The following SLC26A11 variants were observed in gnomAD, a reference collection of about 807,000 sequenced individuals.
SLC26A11 encodes solute carrier family 26 member 11, also known as sodium-independent sulfate anion transporter.
SLC26A11 carries 58 observed loss-of-function variants against 62.2 expected under a neutral mutation model. The ratio of observed to expected loss-of-function variants is 0.93; its 90% CI spans 0.76 to 1.16. The LOEUF is 1.16. Among genes scored for constraint, SLC26A11 ranks in the 50% most tolerant of loss-of-function variants. SLC26A11 has a pLI of 0.00. For missense variants in SLC26A11, 790 were observed against 794.3 expected, an observed-to-expected ratio of 0.99 and a Z score of 0.06; for synonymous variants, 411 against 368.9, an observed-to-expected ratio of 1.11 and a Z score of -1.31.
intron 11 of SLC26A11, 133 bp downstream of exon 11, chr17:80,245,389 G>A (rs2042968403): frequency 2.5e-6 from 2 of 809,030 alleles, no homozygotes; most frequent in Admixed American, 2.0e-5. Flanking sequence ...AGGCAGGGCT[G>A]GGGGTCACCC....
Position 80,220,460 on chromosome 17 carries a change from G to A in SLC26A11, c.-250G>A. ...GGCGATTCCTGCGGACCCAGCTGCGGCGACGCCAGGAGACCCCAAGCTGCA... is the reference window on the plus strand; with the variant it reads ...GGCGATTCCTGCGGACCCAGCTGCGACGACGCCAGGAGACCCCAAGCTGCA... On this transcript the variant is annotated 5_prime_UTR_variant, in exon 1 of 18. Transcript: ENST00000361193. 1.4e-6 allele frequency: 1 copy of A among 697,118 alleles called. No individual in the cohort carries two copies. The highest frequency in any genetic ancestry group is 2.1e-6 in the Non-Finnish European group (1 of 470,296). The allele number at this position is 697,118 out of a possible 1,614,324, so 43.2% of individuals were successfully genotyped here.
rs576299920 is a variant in SLC26A11, at chr17:80,246,641, G to C, written c.1286G>C (p.Arg429Pro). The change falls in exon 13 of 18, where the codon CGT (arginine) becomes CCT (proline). Residue 429 changes from arginine to proline, a missense_variant. By Grantham distance (103) the Arg-to-Pro change is moderately radical (BLOSUM62 -2). Transcript: ENST00000361193. This position sits in a 1 kb window ranked among gnomAD's most constrained non-coding sequence, Gnocchi z 4.4. ...ACCAAGATCTTCAGGACGCTCTGGC[G>C]TGTTAAGAGTACGTCCTTGTCCTAC... ...FDTKIFRTLW[R>P]VKRLDLLPLC... 2.5e-6 allele frequency: 4 copies of C among 1,613,568 alleles called. No homozygotes were observed. In the Admixed American group the frequency reaches 5.0e-5, roughly 20 times the overall value.
intron 7 of SLC26A11, among the ~76,000 whole-genome samples, chr17:80,230,321 C>T (rs1405871639): frequency 6.6e-6 from 1 of 151,862 alleles, no homozygotes; most frequent in Non-Finnish European, 1.5e-5. Flanking sequence ...CAGCGAAAGG[C>T]TCAGGAAGAA....
intron 10 of SLC26A11, among the ~76,000 whole-genome samples, chr17:80,244,921 G>A (rs2042954719): frequency 6.9e-6 from 1 of 145,982 alleles, no homozygotes; most frequent in Non-Finnish European, 1.5e-5. Flanking sequence ...GCTGCAGTGA[G>A]CTGAGATCGC....
chr17:80,247,774 C>G lies in SLC26A11; in HGVS notation c.1295-356C>G, dbSNP rs1286121962. On this transcript the variant is annotated intron_variant, in intron 13 of 17. Transcript: ENST00000361193. ...ACAGGGCTAAGCCCGTGCACTTTGT[C>G]CCCAGGGCACCTTCTCCTTGGCCAG... Among the ~76,000 whole-genome samples, 3 of 152,166 alleles carry G rather than the reference C, an allele frequency of 2.0e-5. No homozygotes were observed. In the South Asian group the frequency reaches 6.2e-4, roughly 31 times the overall value.
rs2042248634 is a variant in SLC26A11 at position 80,222,455 on chromosome 17, C to A, written c.235-200C>A. 1 of 588,430 alleles carries A rather than the reference C, an allele frequency of 1.7e-6. No homozygotes were observed. Among genetic ancestry groups the A allele is most frequent in the Non-Finnish European group, 3.0e-6 (1 of 331,320 alleles). 36.5% of individuals were successfully genotyped at this position (588,430 alleles called of 1,614,324 possible). A position where few individuals can be genotyped will look rare whatever the true frequency, so the allele number is the denominator to read the frequency against. ...ACCGACCCCTCTGCCTGGCTGTCTG[C>A]ACCCTGAGGCCCCAGTTGAGTGCTG... On this transcript the variant is annotated intron_variant, in intron 3 of 17. Transcript: ENST00000361193. The surrounding 1 kb of genome is among the most constrained non-coding windows in gnomAD (Gnocchi z 4.7).
At position 80,246,431 on chromosome 17, in the gene SLC26A11, G is replaced by C; in HGVS notation, c.1154-78G>C. 6.3e-7 allele frequency: 1 copy of C among 1,581,638 alleles called. No homozygotes were observed. The highest frequency in any genetic ancestry group is 8.6e-7 in the Non-Finnish European group (1 of 1,167,724). ...CCCACCCCTGTCCCCAGTGGGCTCT[G>C]CTGAACAAGAGGCTGCTACGCTGCG... is the stretch of plus-strand genomic sequence containing the variant. On this transcript the variant is annotated intron_variant, in intron 12 of 17. Coordinates refer to ENST00000361193, the MANE Select transcript of SLC26A11 (RefSeq NM_001166347.2). The surrounding 1 kb of genome is among the most constrained non-coding windows in gnomAD (Gnocchi z 4.4).
intron 10 of SLC26A11, among the ~76,000 whole-genome samples, chr17:80,243,680 A>C (rs1451173333): frequency 1.3e-5 from 2 of 152,248 alleles, no homozygotes; most frequent in African/African-American, 4.8e-5. Context: ...TACAGGCCTG[A>C]GCCACAGCCC....
At chr17:80,230,950 C>T (rs1424020777) in intron 7 of SLC26A11, among the ~76,000 whole-genome samples, 1 of 152,082 alleles carries the variant, frequency 6.6e-6, no homozygotes, top group Non-Finnish European at 1.5e-5. Flanking sequence ...AGAGGCAGAA[C>T]AAGGACTTCA....
chr17:80,249,371 T>C (rs9895606), intron 16 of SLC26A11, 84 bp downstream of exon 16: 68,790 of 1,548,324 alleles, frequency 0.044, 1,719 homozygotes, highest in Middle Eastern at 0.11. Flanking sequence ...ATGTGACATC[T>C]CTGGGCTGTG....
At chr17:80,229,100 C>T (rs2042493048) in intron 7 of SLC26A11, among the ~76,000 whole-genome samples, 1 of 152,184 alleles carries the variant, frequency 6.6e-6, no homozygotes, top group South Asian at 2.1e-4. Flanking sequence ...CTCAGAATAA[C>T]CCGAGCTTGG....
At chr17:80,239,646 G>A (rs1261094103) in intron 9 of SLC26A11, among the ~76,000 whole-genome samples, 1 of 152,060 alleles carries the variant, frequency 6.6e-6, no homozygotes, top group East Asian at 1.9e-4. Context: ...CAAAGTGCTG[G>A]GATTACAGGC....
In SLC26A11 at chr17:80,246,588, C is replaced by T. The variant is rs146864061; in HGVS notation, c.1233C>T (p.Ile411=). Residue 411 remains isoleucine, a synonymous_variant, in exon 13 of 18, where the codon ATC becomes ATT. Transcript: ENST00000361193. This position sits in a 1 kb window ranked among gnomAD's most constrained non-coding sequence, Gnocchi z 4.4. ...CCAAGTCTGCCCTGGCTGCCGTCAT[C>T]ATCATGGCCGTGGCCCCGCTGTTCG... ...YIPKSALAAV[I]IMAVAPLFDT... is the part of the protein sequence containing the mutation. 495 of 1,614,060 alleles carry T rather than the reference C, an allele frequency of 3.1e-4. 1 individual carries two copies. Among genetic ancestry groups the T allele is most frequent in the Middle Eastern group, 4.9e-4 (3 of 6,062 alleles).
Position 80,246,193 on chromosome 17 carries a change from G to A in SLC26A11, c.1137G>A (p.Ala379=). The A allele has an allele frequency of 5.0e-6, 8 of 1,611,880 alleles. No individual in the cohort carries two copies. The highest frequency in any genetic ancestry group is 2.7e-5 in the African/African-American group (2 of 75,000). The change falls in exon 12 of 18, where the codon GCG becomes GCA. Residue 379 remains alanine, a synonymous_variant. Coordinates refer to ENST00000361193, the MANE Select transcript of SLC26A11 (RefSeq NM_001166347.2). The surrounding 1 kb of genome is among the most constrained non-coding windows in gnomAD (Gnocchi z 4.4). ...VNAQSGVCTP[A]GGLVTGVLVL... is the part of the protein sequence containing the mutation. Reference sequence around the variant, plus strand: ...CTCAGTCGGGGGTGTGCACCCCGGCGGGGGGCCTGGTGACGGGTAAGGCCC... The same window carrying A: ...CTCAGTCGGGGGTGTGCACCCCGGCAGGGGGCCTGGTGACGGGTAAGGCCC...
In SLC26A11 at chr17:80,221,580, C is replaced by G. The variant is rs561848151; in HGVS notation, c.20C>G (p.Ala7Gly). 6 of 1,599,764 alleles carry G rather than the reference C, an allele frequency of 3.8e-6. No homozygotes were observed. The highest frequency in any genetic ancestry group is 5.1e-6 in the Non-Finnish European group (6 of 1,177,230). MPSSVT[A>G]LGQARSSGPG... is the part of the protein sequence containing the mutation. Reference sequence around the variant, plus strand: ...GTAGAGATGCCTTCTTCGGTGACGGCGCTGGGTCAGGCCAGGTCCTCTGGC... The same window carrying G: ...GTAGAGATGCCTTCTTCGGTGACGGGGCTGGGTCAGGCCAGGTCCTCTGGC... The change falls in exon 3 of 18, where the codon GCG (alanine) becomes GGG (glycine). Residue 7 changes from alanine (A) to glycine (G), a missense_variant. Coordinates refer to ENST00000361193, the MANE Select transcript of SLC26A11 (RefSeq NM_001166347.2).
chr17:80,230,995 T>C (rs1348102119), intron 7 of SLC26A11, among the ~76,000 whole-genome samples: 2 of 151,858 alleles, frequency 1.3e-5, no homozygotes, highest in Non-Finnish European at 2.9e-5. Context: ...GAATGGTCTG[T>C]CTAGAAGTGT....
chr17:80,233,835 T>C (rs2042624065), intron 7 of SLC26A11, among the ~76,000 whole-genome samples: 1 of 78,138 alleles, frequency 1.3e-5, no homozygotes, highest in Non-Finnish European at 2.8e-5. Flanking sequence ...CACTTTGGCT[T>C]CCCAAATGTT....
Position 80,246,636 on chromosome 17 carries a change from C to G in SLC26A11, c.1281C>G (p.Leu427=). 2 of 1,613,828 alleles carry G rather than the reference C, an allele frequency of 1.2e-6. No individual in the cohort carries two copies. The highest frequency in any genetic ancestry group is 2.2e-5 in the East Asian group (1 of 44,886). The change falls in exon 13 of 18, where the codon CTC becomes CTG. Residue 427 remains leucine, a synonymous_variant. Coordinates refer to ENST00000361193, the MANE Select transcript of SLC26A11 (RefSeq NM_001166347.2). The surrounding 1 kb of genome is among the most constrained non-coding windows in gnomAD (Gnocchi z 4.4). ...TCGACACCAAGATCTTCAGGACGCTCTGGCGTGTTAAGAGTACGTCCTTGT... is the reference window on the plus strand; with the variant it reads ...TCGACACCAAGATCTTCAGGACGCTGTGGCGTGTTAAGAGTACGTCCTTGT... ...PLFDTKIFRT[L]WRVKRLDLLP...
At chr17:80,251,625 T>C (rs1367486661) in intron 17 of SLC26A11, among the ~76,000 whole-genome samples, 1 of 152,004 alleles carries the variant, frequency 6.6e-6, no homozygotes, top group African/African-American at 2.4e-5. Flanking sequence ...TAGCTGGGTG[T>C]GGTGGCATGC....
Sources: allele counts gnomAD v4.1 joint callset (sites outside exome capture counted in the v4.1 genomes callset), GRCh38; gene constraint gnomAD v4.1.1; non-coding constraint Gnocchi (gnomAD v3.1); transcripts MANE v1.5; gene names NCBI Gene and HGNC (gene_info 2026-07-23, HGNC 2026-07-21).